Variants in CPNE5 observed in about 807,000 individuals in gnomAD.
CPNE5 encodes the protein copine 5, also known as copine-5.
In CPNE5, 42 loss-of-function variants were observed where a neutral mutation model predicts 81.1. The ratio of observed to expected loss-of-function variants is 0.52; its 90% CI spans 0.40 to 0.67. The LOEUF (loss-of-function observed/expected upper bound fraction) is 0.67. Among genes scored for constraint, CPNE5 ranks in the 30% least tolerant of loss-of-function variants. CPNE5 has a pLI of 0.00. For missense variants in CPNE5, 612 were observed against 815.5 expected (o/e 0.75, Z 3.04); for synonymous variants, 313 against 321.5 (o/e 0.97, Z 0.28).
intron 8 of CPNE5, among the ~76,000 whole-genome samples, chr6:36,791,272 G>A (rs1769069240): frequency 6.6e-6 from 1 of 152,152 alleles, no homozygotes; most frequent in Admixed American, 6.5e-5. Flanking sequence ...TGTCATCCTT[G>A]AGCAGGTGAC....
chr6:36,804,131 C>A (rs112314395), intron 3 of CPNE5, among the ~76,000 whole-genome samples: 12 of 152,326 alleles, frequency 7.9e-5, no homozygotes, highest in African/African-American at 2.9e-4. Flanking sequence ...TGCCCAAGAT[C>A]ACACAGCAAG....
chr6:36,792,488 AC>A, intron 7 of CPNE5: 1 of 889,614 alleles, frequency 1.1e-6, no homozygotes, highest in Non-Finnish European at 1.6e-6. Context: ...CCCACCTCAC[AC>A]CCAGCTGACC....
intron 1 of CPNE5, among the ~76,000 whole-genome samples, chr6:36,835,928 C>T (rs1312471687): frequency 1.3e-5 from 2 of 152,178 alleles, no homozygotes; most frequent in Non-Finnish European, 2.9e-5. Flanking sequence ...ACATCAGTCG[C>T]TATTCATGGA....
intron 3 of CPNE5, among the ~76,000 whole-genome samples, chr6:36,807,900 C>G (rs933854146): frequency 5.9e-5 from 9 of 152,208 alleles, no homozygotes; most frequent in Non-Finnish European, 1.0e-4. Context: ...GACCTGGGGC[C>G]TAGAGAAGAA....
At chr6:36,806,701 C>T (rs556005599) in intron 3 of CPNE5, among the ~76,000 whole-genome samples, 1 of 152,222 alleles carries the variant, frequency 6.6e-6, no homozygotes, top group Admixed American at 6.5e-5. Flanking sequence ...ATACAATTTC[C>T]AACTCAATTG....
chr6:36,748,452 C>A lies in CPNE5; in HGVS notation c.972-185G>T, dbSNP rs7762245. ...AGTAATGCCAGCTATGCCCCCCTTA[C>A]AGGATTAATGAGCATCAGAAGAGTT... On this transcript the variant is annotated intron_variant, in intron 14 of 20. Coordinates refer to ENST00000244751, the MANE Select transcript of CPNE5 (RefSeq NM_020939.2). Among the ~76,000 whole-genome samples, 53,373 of 151,952 alleles carry A rather than the reference C, an allele frequency of 0.35. 9,489 individuals carry two copies. The highest frequency in any genetic ancestry group is 0.39 in the African/African-American group (16,295 of 41,440).
At chr6:36,796,196 G>T (rs753517237) in intron 6 of CPNE5, among the ~76,000 whole-genome samples, 4 of 152,144 alleles carry the variant, frequency 2.6e-5, no homozygotes, top group African/African-American at 9.7e-5. Context: ...TGATCCACCC[G>T]CCTCGGCCTC....
intron 2 of CPNE5, 77 bp downstream of exon 2, chr6:36,822,981 G>A: frequency 3.1e-6 from 4 of 1,284,862 alleles, no homozygotes; most frequent in Non-Finnish European, 4.3e-6. Context: ...GCTCAGTAAG[G>A]GCTCAAGCAT....
At chr6:36,817,656 A>C (rs901724114) in intron 3 of CPNE5, among the ~76,000 whole-genome samples, 2 of 152,004 alleles carry the variant, frequency 1.3e-5, no homozygotes, top group Admixed American at 1.3e-4. Context: ...GCCTTTCCCC[A>C]CACTGCTCTG....
chr6:36,803,321 T>G lies in CPNE5; in HGVS notation c.184-3251A>C, dbSNP rs140207000. Among the ~76,000 whole-genome samples, 114 of 152,282 alleles carry G rather than the reference T, an allele frequency of 7.5e-4. 1 individual carries two copies. Among genetic ancestry groups the G allele is most frequent in the Middle Eastern group, 3.4e-3 (1 of 294 alleles). On this transcript the variant is annotated intron_variant, in intron 3 of 20. Coordinates refer to ENST00000244751, the MANE Select transcript of CPNE5 (RefSeq NM_020939.2). Reference sequence around the variant, plus strand: ...CCTCCGCTCCCTGGCCATCCTGTTCTCCAACTCCCCACCCCTCCTGTGTGC... The same window carrying G: ...CCTCCGCTCCCTGGCCATCCTGTTCGCCAACTCCCCACCCCTCCTGTGTGC...
chr6:36,780,697 T>C (rs895475411), intron 8 of CPNE5, among the ~76,000 whole-genome samples: 1 of 152,142 alleles, frequency 6.6e-6, no homozygotes, highest in African/African-American at 2.4e-5. Context: ...TCACTTGCCT[T>C]CCCTCGGGGA....
Position 36,744,338 on chromosome 6 carries a change from A to T in CPNE5, c.1432-13T>A. 6.3e-7 allele frequency: 1 copy of T among 1,576,692 alleles called. No individual in the cohort carries two copies. The highest frequency in any genetic ancestry group is 8.6e-7 in the Non-Finnish European group (1 of 1,160,962). On this transcript the variant is annotated splice_polypyrimidine_tract_variant and intron_variant, in intron 18 of 20. Coordinates refer to ENST00000244751, the MANE Select transcript of CPNE5 (RefSeq NM_020939.2). ...GGAGCTTGGCAGCCTGGGAGACAGCATGGGGGGCAGGGAAAGGTTGGACCC... is the reference window on the plus strand; with the variant it reads ...GGAGCTTGGCAGCCTGGGAGACAGCTTGGGGGGCAGGGAAAGGTTGGACCC...
In CPNE5 at chr6:36,774,953, C is replaced by A; in HGVS notation, c.737+8G>T. ...AAGGAAAAAAGAAGGGACATTTTCT[C>A]ATCTCACCGATCGTAGTCGCCGTTG... On this transcript the variant is annotated splice_region_variant and intron_variant, in intron 10 of 20. Coordinates refer to ENST00000244751, the MANE Select transcript of CPNE5 (RefSeq NM_020939.2). The A allele has an allele frequency of 6.2e-7, 1 of 1,608,224 alleles. No homozygotes were observed. The highest frequency in any genetic ancestry group is 8.5e-7 in the Non-Finnish European group (1 of 1,174,726).
chr6:36,793,048 G>A (rs2150509889), intron 7 of CPNE5, among the ~76,000 whole-genome samples: 1 of 152,270 alleles, frequency 6.6e-6, no homozygotes, highest in South Asian at 2.1e-4. Flanking sequence ...GGCCCGCAGT[G>A]AGCAGCATCC....
chr6:36,804,217 G>A (rs565948076), intron 3 of CPNE5, among the ~76,000 whole-genome samples: 1 of 152,254 alleles, frequency 6.6e-6, no homozygotes, highest in African/African-American at 2.4e-5. Flanking sequence ...ACTGTGAGGA[G>A]TCATCAAGCA....
chr6:36,745,027 C>G, intron 18 of CPNE5, 21 bp downstream of exon 18: 1 of 1,569,252 alleles, frequency 6.4e-7, no homozygotes, highest in South Asian at 1.1e-5. Flanking sequence ...CCGCCTCCCC[C>G]ACCGCACACT....
chr6:36,791,109 C>T (rs924250606), intron 8 of CPNE5, among the ~76,000 whole-genome samples: 1 of 152,234 alleles, frequency 6.6e-6, no homozygotes, highest in Non-Finnish European at 1.5e-5. Flanking sequence ...TGCACCCTGC[C>T]TCTCCCTGCA....
At chr6:36,752,222 G>T (rs1166890733) in intron 14 of CPNE5, among the ~76,000 whole-genome samples, 1 of 152,174 alleles carries the variant, frequency 6.6e-6, no homozygotes, top group Non-Finnish European at 1.5e-5. Flanking sequence ...CCAGACAGGT[G>T]CAGTCACTCA....
chr6:36,793,007 G>A (rs1033213179), intron 7 of CPNE5, among the ~76,000 whole-genome samples: 1 of 152,084 alleles, frequency 6.6e-6, no homozygotes, highest in Non-Finnish European at 1.5e-5. Flanking sequence ...GAGCGTGACT[G>A]TATATACCAC....
Sources: allele counts gnomAD v4.1 joint callset (sites outside exome capture counted in the v4.1 genomes callset), GRCh38; gene constraint gnomAD v4.1.1; transcripts MANE v1.5; gene names NCBI Gene and HGNC (gene_info 2026-07-23, HGNC 2026-07-21).